SLC38A9: variants seen among roughly 807,000 people sequenced by gnomAD.
SLC38A9 encodes neutral amino acid transporter 9.
SLC38A9 carries 48 observed loss-of-function variants against 62.3 expected under a neutral mutation model. The observed-to-expected ratio is 0.77, with a 90% CI of 0.61 to 0.98. SLC38A9 has a LOEUF of 0.98. Ranked by LOEUF, SLC38A9 falls within the 50% of genes least tolerant of loss-of-function variation. The pLI is 0.00. For missense variants in SLC38A9, 541 were observed against 679.8 expected (o/e 0.80, Z 2.27); for synonymous variants, 204 against 227.7 (o/e 0.90, Z 0.94).
intron 3 of SLC38A9, among the ~76,000 whole-genome samples, chr5:55,686,009 CTTTAT>C (rs1753752775): frequency 6.6e-6 from 1 of 152,122 alleles, no homozygotes; most frequent in Non-Finnish European, 1.5e-5. Context: ...TATGCATTTT[CTTTAT>C]CCAGTCTATC....
chr5:55,710,808 C>G (rs1343778893), intron 2 of SLC38A9, among the ~76,000 whole-genome samples: 2 of 151,330 alleles, frequency 1.3e-5, no homozygotes, highest in Non-Finnish European at 2.9e-5. Context: ...TTAGTAGAGA[C>G]GGGGTTTCAC....
rs35800744 is a variant in SLC38A9, at chr5:55,649,263, C to T, written c.1004G>A (p.Arg335His). Residue 335 changes from arginine (R) to histidine (H), a missense_variant, in exon 11 of 16, where the codon CGC becomes CAC. Physicochemically the swap from Arg to His is conservative, Grantham distance 29. Transcript: ENST00000396865. ...ATGAAATTCCAAATGAAATCCCAAG[C>T]GAACAGCCTTAAAGGTGACAAGGAA... ...LIFLVTFKAV[R>H]LGFHLEFHWF... 2,428 of 1,608,504 alleles carry T rather than the reference C, an allele frequency of 1.5e-3. 26 individuals are homozygous for T. In the African/African-American group the frequency reaches 0.026, roughly 17 times the overall value.
chr5:55,684,886 T>A (rs1561409484), intron 3 of SLC38A9, among the ~76,000 whole-genome samples: 1 of 152,104 alleles, frequency 6.6e-6, no homozygotes, highest in East Asian at 1.9e-4. Flanking sequence ...ACTCCTGACC[T>A]CAGATGATTC....
chr5:55,639,983 CTTTTTTTTTTT>C (rs36073153), intron 12 of SLC38A9, among the ~76,000 whole-genome samples: 1 of 98,466 alleles, frequency 1.0e-5, no homozygotes, highest in Non-Finnish European at 1.9e-5. Context: ...TAAACCTTTG[CTTTTTTTTTTT>C]TTTTTTTTTG....
intron 12 of SLC38A9, 92 bp downstream of exon 12, chr5:55,645,697 A>G: frequency 1.2e-6 from 1 of 859,494 alleles, no homozygotes; most frequent in Non-Finnish European, 1.8e-6. Flanking sequence ...AAAATTGCCT[A>G]ATTGTACTCT....
chr5:55,652,516 T>G lies in SLC38A9; in HGVS notation c.952+13A>C. The G allele has an allele frequency of 6.4e-7, 1 of 1,554,804 alleles. No individual in the cohort carries two copies. Among genetic ancestry groups the G allele is most frequent in the Non-Finnish European group, 8.8e-7 (1 of 1,140,878 alleles). On this transcript the variant is annotated intron_variant, in intron 10 of 15. Coordinates refer to ENST00000396865, the MANE Select transcript of SLC38A9 (RefSeq NM_173514.4). ...ATTACACAAAGTCTCCATAATTCAG[T>G]GCTACTACTTACCTAGGATATTAAA...
intron 3 of SLC38A9, chr5:55,694,207 CAAAAAA>C: frequency 1.8e-5 from 3 of 170,956 alleles, no homozygotes; most frequent in Non-Finnish European, 2.3e-5. Context: ...GACCCTGTCT[CAAAAAA>C]AAAAAAAAAA....
At chr5:55,658,477 T>G (rs1236681605) in intron 8 of SLC38A9, among the ~76,000 whole-genome samples, 3 of 152,158 alleles carry the variant, frequency 2.0e-5, no homozygotes, top group Admixed American at 2.0e-4. Context: ...GAGGGAAATT[T>G]GGACACAGAC....
intron 3 of SLC38A9, among the ~76,000 whole-genome samples, chr5:55,676,288 G>GCC (rs1752067617): frequency 2.0e-5 from 3 of 152,122 alleles, no homozygotes; most frequent in African/African-American, 7.2e-5. Context: ...TCCTGCCTCA[G>GCC]TCTCAGCCTC....
At chr5:55,694,829 T>C (rs542045970) in intron 3 of SLC38A9, among the ~76,000 whole-genome samples, 9 of 151,558 alleles carry the variant, frequency 5.9e-5, no homozygotes, top group African/African-American at 2.2e-4. Context: ...CTTGGCTTAC[T>C]GCAACCTCTG....
At chr5:55,653,060 G>A (rs564072467) in intron 9 of SLC38A9, among the ~76,000 whole-genome samples, 1 of 152,218 alleles carries the variant, frequency 6.6e-6, no homozygotes, top group East Asian at 1.9e-4. Flanking sequence ...TCCGCCTCCT[G>A]GATTCAAGCG....
chr5:55,685,229 AT>A (rs1394309948), intron 3 of SLC38A9, among the ~76,000 whole-genome samples: 2 of 152,058 alleles, frequency 1.3e-5, no homozygotes, highest in Admixed American at 6.6e-5. Flanking sequence ...ATTTTAGAAC[AT>A]TTTTACCATC....
intron 3 of SLC38A9, among the ~76,000 whole-genome samples, chr5:55,689,870 CATA>C (rs376472399): frequency 2.0e-4 from 30 of 152,034 alleles, no homozygotes; most frequent in African/African-American, 5.8e-4. Flanking sequence ...GGAGAAGCAT[CATA>C]ATAATAATGA....
intron 2 of SLC38A9, chr5:55,702,947 C>T (rs140782820): frequency 6.6e-6 from 1 of 151,978 alleles, no homozygotes; most frequent in African/African-American, 2.4e-5. Context: ...TACCTTACAA[C>T]AGTAACTTAA....
chr5:55,643,472 G>A (rs1392656122), intron 12 of SLC38A9, among the ~76,000 whole-genome samples: 3 of 152,154 alleles, frequency 2.0e-5, no homozygotes, highest in Non-Finnish European at 4.4e-5. Flanking sequence ...CTTGGAAAAT[G>A]TTCTTATGTA....
chr5:55,696,209 T>C (rs868089787), intron 3 of SLC38A9: 2,686 of 20,370 alleles, frequency 0.13, 722 homozygotes, highest in East Asian at 0.25. Context: ...GGCGGCTGGC[T>C]GGGCAGAGGG....
chr5:55,677,245 T>A (rs1223178480), intron 3 of SLC38A9, among the ~76,000 whole-genome samples: 1 of 152,166 alleles, frequency 6.6e-6, no homozygotes, highest in African/African-American at 2.4e-5. Context: ...TTACAAACAT[T>A]ATAAAGTATC....
intron 2 of SLC38A9, among the ~76,000 whole-genome samples, chr5:55,698,628 C>G (rs973816501): frequency 2.0e-5 from 3 of 152,210 alleles, no homozygotes; most frequent in Non-Finnish European, 2.9e-5. Context: ...AAGGGAACTA[C>G]AAAGAAGTCT....
At chr5:55,705,264 C>T (rs57528700) in intron 2 of SLC38A9, among the ~76,000 whole-genome samples, 2 of 151,720 alleles carry the variant, frequency 1.3e-5, no homozygotes, top group Non-Finnish European at 2.9e-5. Context: ...AAAGACAAAA[C>T]TTGGTGTCAT....
Sources: gnomAD v4.1 joint callset for allele counts (sites outside exome capture counted in the v4.1 genomes callset) on GRCh38, gnomAD v4.1.1 for gene constraint, MANE v1.5 for transcripts, NCBI Gene and HGNC (gene_info 2026-07-23, HGNC 2026-07-21) for gene names.